Variants in PTPRD observed in about 807,000 individuals in gnomAD.
PTPRD encodes protein tyrosine phosphatase receptor type D.
Under a neutral mutation model 214.5 loss-of-function variants are expected in PTPRD, and 34 were observed. The observed-to-expected ratio is 0.16, with a 90% CI of 0.12 to 0.21. PTPRD has a LOEUF of 0.21. Ranked by LOEUF, PTPRD falls within the 10% of genes least tolerant of loss-of-function variation. PTPRD has a pLI of 1.00. For missense variants in PTPRD, 2,545 were observed against 2,398.7 expected (o/e 1.06, Z -1.27); for synonymous variants, 1,128 against 845.7 (o/e 1.33, Z -5.79).
At chr9:9,972,879 G>C (rs1203390829) in intron 4 of PTPRD, among the ~76,000 whole-genome samples, 1 of 152,046 alleles carries the variant, frequency 6.6e-6, no homozygotes, top group East Asian at 1.9e-4. Context: ...TTGCCCACCT[G>C]AGTACTTTCC....
At position 10,156,075 on chromosome 9, in the gene PTPRD, T is replaced by A. The variant is rs536411828; in HGVS notation, c.-544-122285A>T. 3.5e-3 allele frequency among the ~76,000 whole-genome samples: 396 copies of A among 111,882 alleles called. 4 individuals carry two copies. Among genetic ancestry groups the A allele is most frequent in the Middle Eastern group, 0.015 (3 of 206 alleles). The allele number at this position is 111,882 out of a possible 152,430, so 73.4% of individuals were successfully genotyped here. On this transcript the variant is annotated intron_variant, in intron 3 of 45. Transcript: ENST00000381196. ...CTCATGGATTTTTTGCTCTTTTGAA[T>A]GTTTGTGTGTGTGTGTGTGTGTGTG...
intron 14 of PTPRD, among the ~76,000 whole-genome samples, chr9:8,601,317 C>T (rs1266029867): frequency 6.6e-6 from 1 of 152,202 alleles, no homozygotes; most frequent in East Asian, 1.9e-4. Flanking sequence ...CCTGGCAGAA[C>T]TCACCACCCT....
chr9:9,976,040 G>T (rs1044190768), intron 4 of PTPRD, among the ~76,000 whole-genome samples: 1 of 152,078 alleles, frequency 6.6e-6, no homozygotes, highest in Non-Finnish European at 1.5e-5. Context: ...CTTCAAATGA[G>T]GCCCACATAT....
intron 3 of PTPRD, among the ~76,000 whole-genome samples, chr9:10,054,740 A>G (rs442100): frequency 0.64 from 97,381 of 151,898 alleles, 31,822 homozygotes; most frequent in East Asian, 0.85. Context: ...GTCAGCAAGC[A>G]TTTAAAAATC....
intron 11 of PTPRD, among the ~76,000 whole-genome samples, chr9:8,804,831 A>C (rs961081040): frequency 6.6e-6 from 1 of 152,310 alleles, no homozygotes; most frequent in East Asian, 1.9e-4. Flanking sequence ...TCCAGGAGAG[A>C]AGACAGATAG....
intron 2 of PTPRD, among the ~76,000 whole-genome samples, chr9:10,539,502 G>C (rs2757870): frequency 0.94 from 143,810 of 152,258 alleles, 68,056 homozygotes; most frequent in Non-Finnish European, 0.98. Flanking sequence ...CATTTTAATA[G>C]AAAGTCTAAC....
intron 9 of PTPRD, among the ~76,000 whole-genome samples, chr9:9,203,666 G>C (rs2099943183): frequency 6.6e-6 from 1 of 152,050 alleles, no homozygotes; most frequent in Non-Finnish European, 1.5e-5. Flanking sequence ...CTCTGCCACA[G>C]TCATATTTCC....
At chr9:8,616,649 T>C (rs1217590632) in intron 14 of PTPRD, among the ~76,000 whole-genome samples, 1 of 152,134 alleles carries the variant, frequency 6.6e-6, no homozygotes, top group African/African-American at 2.4e-5. Context: ...TTCTCTCATA[T>C]CTGCAATCTT....
chr9:10,366,136 T>A (rs970955883), intron 2 of PTPRD, among the ~76,000 whole-genome samples: 4 of 152,168 alleles, frequency 2.6e-5, no homozygotes, highest in Admixed American at 6.5e-5. Flanking sequence ...GGGAGGCTCA[T>A]CTTTGGTTGA....
intron 39 of PTPRD, among the ~76,000 whole-genome samples, chr9:8,362,430 T>C (rs140780778): frequency 4.6e-5 from 7 of 152,314 alleles, no homozygotes; most frequent in African/African-American, 1.4e-4. Flanking sequence ...GATGAAATAT[T>C]AACCATAGAT....
intron 5 of PTPRD, among the ~76,000 whole-genome samples, chr9:9,789,364 A>T (rs892818064): frequency 2.6e-5 from 4 of 152,190 alleles, no homozygotes; most frequent in Non-Finnish European, 5.9e-5. Flanking sequence ...GATGTCACAT[A>T]AGAAGTTCAC....
At chr9:9,788,926 G>C (rs2098947024) in intron 5 of PTPRD, among the ~76,000 whole-genome samples, 2 of 152,082 alleles carry the variant, frequency 1.3e-5, no homozygotes, top group African/African-American at 2.4e-5. Flanking sequence ...CTCTGCTTTA[G>C]TTATCGCTTT....
At chr9:9,589,031 C>T (rs1356407371) in intron 7 of PTPRD, among the ~76,000 whole-genome samples, 2 of 151,974 alleles carry the variant, frequency 1.3e-5, no homozygotes, top group East Asian at 1.9e-4. Flanking sequence ...TATTTACAAG[C>T]AAGTTGACCA....
At chr9:9,937,231 AAAAAAATAAAAAAT>A (rs1228267409) in intron 5 of PTPRD, among the ~76,000 whole-genome samples, 24 of 151,776 alleles carry the variant, frequency 1.6e-4, no homozygotes, top group African/African-American at 4.3e-4. Context: ...AAAATAATAA[AAAAAAATAAAAAAT>A]AAAAAATAAA....
intron 11 of PTPRD, among the ~76,000 whole-genome samples, chr9:8,966,215 T>A (rs1294703607): frequency 6.6e-6 from 1 of 151,998 alleles, no homozygotes; most frequent in Admixed American, 6.6e-5. Context: ...CCTATCAAAT[T>A]TCCAACATCA....
intron 11 of PTPRD, among the ~76,000 whole-genome samples, chr9:8,976,943 T>A (rs1434642616): frequency 6.6e-6 from 1 of 152,080 alleles, no homozygotes; most frequent in Non-Finnish European, 1.5e-5. Flanking sequence ...CAGTTCTACT[T>A]CTCCATTTGT....
At chr9:9,983,734 A>G (rs2095618493) in intron 4 of PTPRD, among the ~76,000 whole-genome samples, 1 of 152,242 alleles carries the variant, frequency 6.6e-6, no homozygotes. Flanking sequence ...TAATGTGATC[A>G]ACAATTTGAA....
At chr9:9,164,391 T>G (rs1471865389) in intron 10 of PTPRD, among the ~76,000 whole-genome samples, 1 of 152,168 alleles carries the variant, frequency 6.6e-6, no homozygotes, top group Non-Finnish European at 1.5e-5. Flanking sequence ...TATAAGGATC[T>G]TGGTGATTAC....
At chr9:9,738,363 C>T (rs1221669081) in intron 6 of PTPRD, among the ~76,000 whole-genome samples, 1 of 147,050 alleles carries the variant, frequency 6.8e-6, no homozygotes, top group Non-Finnish European at 1.5e-5. Context: ...TAATGTTGAA[C>T]ATTTTTTTCA....
Sources: allele counts gnomAD v4.1 joint callset (sites outside exome capture counted in the v4.1 genomes callset), GRCh38; gene constraint gnomAD v4.1.1; transcripts MANE v1.5; gene names NCBI Gene and HGNC (gene_info 2026-07-23, HGNC 2026-07-21).